Variants in DOT1L observed in about 807,000 individuals in gnomAD.
DOT1L encodes histone-lysine N-methyltransferase, H3 lysine-79 specific.
DOT1L carries 33 observed loss-of-function variants against 153.3 expected under a neutral mutation model. The ratio of observed to expected loss-of-function variants is 0.22; its 90% CI spans 0.16 to 0.29. The LOEUF (loss-of-function observed/expected upper bound fraction) is 0.29, where lower values mean the gene tolerates loss of function less well. Ranked by LOEUF, DOT1L falls within the 10% of genes least tolerant of loss-of-function variation. The pLI, the probability that DOT1L is intolerant of heterozygous loss-of-function variation, is 1.00. For missense variants in DOT1L, 1,847 were observed against 2,119.9 expected (o/e 0.87, Z 2.53); for synonymous variants, 1,135 against 965.1 (o/e 1.18, Z -3.26).
chr19:2,211,561 G>T (rs1014393480), intron 15 of DOT1L, among the ~76,000 whole-genome samples, 190 bp from the exon 16 acceptor site: 3 of 152,216 alleles, frequency 2.0e-5, no homozygotes, highest in African/African-American at 7.2e-5. Context: ...GCTGCGCAGG[G>T]GTCAGAGGGC....
chr19:2,172,341 C>T (rs553549029), intron 1 of DOT1L, among the ~76,000 whole-genome samples: 63 of 151,760 alleles, frequency 4.2e-4, no homozygotes, highest in South Asian at 6.3e-4. Context: ...AGGCGCCCGC[C>T]GCCACGCCCA....
At chr19:2,192,196 A>T in intron 5 of DOT1L, among the ~76,000 whole-genome samples, 1 of 152,212 alleles carries the variant, frequency 6.6e-6, no homozygotes, top group East Asian at 1.9e-4. Flanking sequence ...GGCAGGGACC[A>T]AGAGGACTTT....
chr19:2,200,698 G>T lies in DOT1L; in HGVS notation c.707+759G>T, dbSNP rs73514495. Among the ~76,000 whole-genome samples the T allele has an allele frequency of 6.2e-3, 947 of 151,722 alleles. 6 individuals are homozygous for T. Among genetic ancestry groups the T allele is most frequent in the African/African-American group, 0.021 (886 of 41,312 alleles). On this transcript the variant is annotated intron_variant, in intron 8 of 27. Transcript: ENST00000398665. ...ACTCTTTGTCCTCTCTGCGCCCCTC[G>T]TCCTCCCCACATTCCTCGTCCTCCC... is the stretch of plus-strand genomic sequence containing the variant.
At chr19:2,189,703 T>A in intron 3 of DOT1L, 29 bp from the exon 4 acceptor site, 1 of 1,607,456 alleles carries the variant, frequency 6.2e-7, no homozygotes, top group Non-Finnish European at 8.5e-7. Flanking sequence ...CCTGCCCGCA[T>A]GACCAGGGCC....
Position 2,217,951 on chromosome 19 carries a change from C to T in DOT1L, c.2691+33C>T, listed in dbSNP as rs779439010. 19 of 1,603,694 alleles carry T rather than the reference C, an allele frequency of 1.2e-5. No homozygotes were observed. The East Asian group carries it at 4.0e-4, about 34-fold the overall frequency. On this transcript the variant is annotated intron_variant, in intron 22 of 27. Transcript: ENST00000398665. The surrounding 1 kb of genome is among the most constrained non-coding windows in gnomAD (Gnocchi z 7.3). ...GCTCCCAGGTGGCTGTCCCCAAGGG[C>T]CACGTTGAGGCAAAACAGTCTGGGG... is the stretch of plus-strand genomic sequence containing the variant.
intron 1 of DOT1L, among the ~76,000 whole-genome samples, chr19:2,165,419 C>A (rs945183984): frequency 6.6e-6 from 1 of 152,326 alleles, no homozygotes; most frequent in East Asian, 1.9e-4. Flanking sequence ...AGCGCAGCTT[C>A]CAGCCTGGCC....
Position 2,220,827 on chromosome 19 carries a change from T to C in DOT1L, c.2806+605T>C. On this transcript the variant is annotated intron_variant, in intron 23 of 27. Transcript: ENST00000398665. The surrounding 1 kb of genome is among the most constrained non-coding windows in gnomAD (Gnocchi z 4.5). ...AGGACATGAGACCCCCAGGCTGGTTTGCTGGCCCCAGGTTGAGATGCGGTA... is the reference window on the plus strand; with the variant it reads ...AGGACATGAGACCCCCAGGCTGGTTCGCTGGCCCCAGGTTGAGATGCGGTA... 3.2e-6 allele frequency: 1 copy of C among 309,338 alleles called. No individual in the cohort carries two copies. The highest frequency in any genetic ancestry group is 6.4e-6 in the Non-Finnish European group (1 of 156,048). 19.2% of individuals were successfully genotyped at this position (309,338 alleles called of 1,614,324 possible). A position where few individuals can be genotyped will look rare whatever the true frequency, so the allele number is the denominator to read the frequency against.
At chr19:2,203,186 T>G (rs1263013315) in intron 9 of DOT1L, among the ~76,000 whole-genome samples, 1 of 152,198 alleles carries the variant, frequency 6.6e-6, no homozygotes, top group Non-Finnish European at 1.5e-5. Flanking sequence ...TACCGCAACC[T>G]CTGCCTCCCG....
At chr19:2,195,667 T>A (rs532123379) in intron 7 of DOT1L, among the ~76,000 whole-genome samples, 3 of 151,550 alleles carry the variant, frequency 2.0e-5, no homozygotes, top group Non-Finnish European at 4.4e-5. Flanking sequence ...GCAGAAGGAG[T>A]GCTGGGTGGG....
intron 22 of DOT1L, among the ~76,000 whole-genome samples, chr19:2,219,863 G>A (rs1187064815): frequency 1.3e-5 from 2 of 152,118 alleles, no homozygotes; most frequent in Non-Finnish European, 2.9e-5. Flanking sequence ...CGGGACCCCC[G>A]CCTCCTGACC....
chr19:2,214,166 C>G (rs2023817827), intron 18 of DOT1L, 180 bp downstream of exon 18: 15 of 1,125,598 alleles, frequency 1.3e-5, no homozygotes, highest in African/African-American at 1.6e-5. Flanking sequence ...GGCCTGGGCC[C>G]CTCGGCTGGA....
chr19:2,224,479 T>TTC (rs1246850185), intron 25 of DOT1L, among the ~76,000 whole-genome samples: 1 of 151,466 alleles, frequency 6.6e-6, no homozygotes, highest in African/African-American at 2.4e-5. Context: ...TTTTTTTTTT[T>TTC]TCCTGAGACA....
rs144884376 is a variant in DOT1L at position 2,225,793 on chromosome 19, C to T, written c.3661+341C>T. ...TGGCCTTCCCCCCGAGTGGTGCCTGCGTCCTCAGTGAGGACCCTGACCTGC... is the reference window on the plus strand; with the variant it reads ...TGGCCTTCCCCCCGAGTGGTGCCTGTGTCCTCAGTGAGGACCCTGACCTGC... On this transcript the variant is annotated intron_variant, in intron 26 of 27. Coordinates refer to ENST00000398665, the MANE Select transcript of DOT1L (RefSeq NM_032482.3). Among the ~76,000 whole-genome samples the T allele has an allele frequency of 3.4e-3, 519 of 152,282 alleles. 1 individual carries two copies. The highest frequency in any genetic ancestry group is 6.1e-3 in the Non-Finnish European group (412 of 68,008).
chr19:2,226,684 A>G lies in DOT1L; in HGVS notation c.4163A>G (p.Glu1388Gly), dbSNP rs766758582. The G allele has an allele frequency of 1.3e-6, 2 of 1,574,676 alleles. No homozygotes were observed. The highest frequency in any genetic ancestry group is 1.3e-5 in the African/African-American group (1 of 74,430). ...GLKGEGSRGK[E>G]AGEGGLPLCG... is the part of the protein sequence containing the mutation. ...AAGGGCGAGGGCAGCCGCGGCAAGGAGGCAGGGGAGGGCGGCCTACCGCTG... is the reference window on the plus strand; with the variant it reads ...AAGGGCGAGGGCAGCCGCGGCAAGGGGGCAGGGGAGGGCGGCCTACCGCTG... The change falls in exon 27 of 28, where the codon GAG (glutamate) becomes GGG (glycine). Residue 1388 changes from glutamate (E) to glycine (G), a missense_variant. Around this residue, in one of 8 missense-constraint regions of DOT1L, gnomAD observed 934 missense variants for 825.3 expected, o/e 1.13. Transcript: ENST00000398665.
At chr19:2,209,537 G>A (rs377201138) in intron 12 of DOT1L, among the ~76,000 whole-genome samples, 2 of 152,198 alleles carry the variant, frequency 1.3e-5, no homozygotes, top group African/African-American at 4.8e-5. Context: ...GGGCCCCCGC[G>A]CCCTGCACGC....
In DOT1L at chr19:2,216,564, C is replaced by T. The variant is rs763792353; in HGVS notation, c.2207C>T (p.Pro736Leu). Residue 736 changes from proline (P) to leucine (L), a missense_variant, in exon 20 of 28, where the codon CCC (proline) becomes CTC (leucine). Physicochemically the swap from Pro to Leu is moderately conservative, Grantham distance 98. Transcript: ENST00000398665. ...LSRPSSKQNTPQYLASPLDQE... is the reference protein window; with the variant it reads ...LSRPSSKQNTLQYLASPLDQE... ...CGGCCTTCGTCGAAGCAGAACACGC[C>T]CCAGTACCTGGCCTCACCCCTGGAC... 19 of 1,609,912 alleles carry T rather than the reference C, an allele frequency of 1.2e-5. No homozygotes were observed. The highest frequency in any genetic ancestry group is 1.6e-5 in the Non-Finnish European group (19 of 1,179,920).
chr19:2,200,378 G>A (rs2023202141), intron 8 of DOT1L, among the ~76,000 whole-genome samples: 2 of 152,218 alleles, frequency 1.3e-5, no homozygotes, highest in African/African-American at 4.8e-5. Flanking sequence ...TCTCTGCACT[G>A]CCTGGGCTTG....
chr19:2,211,315 A>G, intron 15 of DOT1L, 103 bp downstream of exon 15: 2 of 1,033,608 alleles, frequency 1.9e-6, no homozygotes, highest in African/African-American at 1.6e-5. Flanking sequence ...CGTGACCTCC[A>G]TGCTGGACCC....
intron 2 of DOT1L, 131 bp downstream of exon 2, chr19:2,180,887 C>A: frequency 9.1e-7 from 1 of 1,095,302 alleles, no homozygotes; most frequent in Non-Finnish European, 1.3e-6. Flanking sequence ...TGAAGCGGAT[C>A]AGGGGTGACT....
Sources: gnomAD v4.1 joint callset for allele counts (sites outside exome capture counted in the v4.1 genomes callset) on GRCh38, gnomAD v4.1.1 for gene constraint, gnomAD v4.1.1 regional missense constraint, Gnocchi (gnomAD v3.1) non-coding constraint, MANE v1.5 for transcripts, NCBI Gene and HGNC (gene_info 2026-07-23, HGNC 2026-07-21) for gene names.